The following DLGAP2 variants were observed in gnomAD, a reference collection of about 807,000 sequenced individuals.
DLGAP2 encodes disks large-associated protein 2.
A neutral mutation model predicts 100.3 loss-of-function variants in DLGAP2; 26 were observed. The observed-to-expected ratio is 0.26, with a 90% CI of 0.19 to 0.36. The LOEUF is 0.36. Among genes scored for constraint, DLGAP2 ranks in the 10% least tolerant of loss-of-function variants. The pLI is 1.00. For synonymous variants in DLGAP2, 886 were observed against 630.1 expected, an observed-to-expected ratio of 1.41 and a Z score of -6.08; for missense variants, 1,858 against 1,453.2, an observed-to-expected ratio of 1.28 and a Z score of -4.53.
chr8:1,417,347 A>T (rs1014818866), intron 3 of DLGAP2, among the ~76,000 whole-genome samples: 2 of 151,928 alleles, frequency 1.3e-5, no homozygotes, highest in African/African-American at 2.4e-5. Context: ...GCATGTTCAT[A>T]GAAGCCCTTG....
At chr8:1,668,825 C>A (rs1453752111) in intron 9 of DLGAP2, 147 bp downstream of exon 9, 7 of 814,910 alleles carry the variant, frequency 8.6e-6, no homozygotes, top group Non-Finnish European at 1.3e-5. Flanking sequence ...CAGGGCTGTG[C>A]GTTCGCCTTG....
intron 1 of DLGAP2, among the ~76,000 whole-genome samples, chr8:867,070 G>C (rs1306602656): frequency 6.6e-6 from 1 of 152,224 alleles, no homozygotes; most frequent in Non-Finnish European, 1.5e-5. Flanking sequence ...CCTGTCAGCT[G>C]TCTAACCCGG....
intron 5 of DLGAP2, among the ~76,000 whole-genome samples, chr8:1,550,109 G>T (rs1801710075): frequency 6.6e-6 from 1 of 152,166 alleles, no homozygotes; most frequent in Admixed American, 6.5e-5. Context: ...CCGTGAGAGG[G>T]ACCATGTGGC....
chr8:1,637,946 A>C (rs1266788236), intron 8 of DLGAP2, among the ~76,000 whole-genome samples: 2 of 152,206 alleles, frequency 1.3e-5, no homozygotes, highest in African/African-American at 4.8e-5. Flanking sequence ...GGGCAGCAGA[A>C]ACCCAGGGAG....
At chr8:784,693 C>G (rs1047533545) in intron 1 of DLGAP2, among the ~76,000 whole-genome samples, 2 of 152,222 alleles carry the variant, frequency 1.3e-5, no homozygotes, top group African/African-American at 2.4e-5. Flanking sequence ...GAACGTGTGA[C>G]TGTGGACCCC....
At chr8:1,692,570 G>T (rs952798193) in intron 13 of DLGAP2, among the ~76,000 whole-genome samples, 4 of 152,166 alleles carry the variant, frequency 2.6e-5, no homozygotes, top group Non-Finnish European at 5.9e-5. Context: ...TTTGCAACTG[G>T]ATGCCCCACC....
At chr8:1,373,214 C>T (rs1447112582) in intron 3 of DLGAP2, among the ~76,000 whole-genome samples, 1 of 152,028 alleles carries the variant, frequency 6.6e-6, no homozygotes, top group Non-Finnish European at 1.5e-5. Flanking sequence ...GACTGCGCAG[C>T]AAGACTCTGT....
chr8:1,594,308 C>G (rs1796381976), intron 6 of DLGAP2, among the ~76,000 whole-genome samples: 1 of 151,934 alleles, frequency 6.6e-6, no homozygotes, highest in African/African-American at 2.4e-5. Flanking sequence ...ACAGAGAATT[C>G]AAAACAAGGG....
intron 6 of DLGAP2, among the ~76,000 whole-genome samples, chr8:1,599,905 C>T (rs866822811): frequency 6.6e-6 from 1 of 152,082 alleles, no homozygotes; most frequent in Non-Finnish European, 1.5e-5. Context: ...TGAATTTGAT[C>T]CTGTCATTAT....
At chr8:1,325,340 T>C (rs1800996457) in intron 3 of DLGAP2, among the ~76,000 whole-genome samples, 2 of 152,186 alleles carry the variant, frequency 1.3e-5, no homozygotes, top group South Asian at 4.1e-4. Flanking sequence ...TAAAGCTGCC[T>C]GTGTGTCCAG....
intron 10 of DLGAP2, among the ~76,000 whole-genome samples, chr8:1,673,771 G>A (rs1252220293): frequency 6.6e-6 from 1 of 152,106 alleles, no homozygotes; most frequent in African/African-American, 2.4e-5. Flanking sequence ...AGAGTTGCAT[G>A]GCCAGCAAGT....
chr8:1,273,469 T>G (rs901040934), intron 3 of DLGAP2, among the ~76,000 whole-genome samples: 3 of 151,954 alleles, frequency 2.0e-5, no homozygotes, highest in African/African-American at 7.3e-5. Context: ...ACTTGACGAG[T>G]TTTATGCTCA....
intron 1 of DLGAP2, among the ~76,000 whole-genome samples, chr8:781,457 A>C (rs1308557909): frequency 6.6e-6 from 1 of 152,122 alleles, no homozygotes; most frequent in East Asian, 1.9e-4. Flanking sequence ...TAAAATGCAA[A>C]CCTGAATGCA....
intron 2 of DLGAP2, among the ~76,000 whole-genome samples, chr8:966,756 T>C (rs1799881873): frequency 6.6e-6 from 1 of 152,236 alleles, no homozygotes; most frequent in Non-Finnish European, 1.5e-5. Context: ...AGAGTGAGCA[T>C]CTGCCTCTCC....
chr8:1,670,276 TCAGCACGCTCGGCA>T (rs1798657468), intron 10 of DLGAP2, among the ~76,000 whole-genome samples: 1 of 152,192 alleles, frequency 6.6e-6, no homozygotes, highest in Non-Finnish European at 1.5e-5. Flanking sequence ...TACAGTTAAG[TCAGCACGCTCGGCA>T]CAGTGCCGCC....
intron 1 of DLGAP2, among the ~76,000 whole-genome samples, chr8:824,839 C>T (rs1400043488): frequency 6.6e-6 from 1 of 152,194 alleles, no homozygotes; most frequent in Non-Finnish European, 1.5e-5. Flanking sequence ...GTGGCACAGG[C>T]AGCTCAGCCT....
chr8:1,676,473 T>C, intron 10 of DLGAP2, 60 bp from the exon 11 acceptor site: 1 of 1,525,288 alleles, frequency 6.6e-7, no homozygotes, highest in Non-Finnish European at 9.0e-7. Flanking sequence ...AACAACAAAA[T>C]AGTCCCTTGC....
intron 3 of DLGAP2, among the ~76,000 whole-genome samples, chr8:1,269,533 T>C (rs1301056014): frequency 1.3e-5 from 2 of 152,206 alleles, no homozygotes; most frequent in African/African-American, 4.8e-5. Flanking sequence ...CCCTCAACCC[T>C]GAAACCCCGT....
At position 1,697,251 on chromosome 8, in the gene DLGAP2, G is replaced by A. The variant is rs572334800; in HGVS notation, c.2901G>A (p.Gln967=). 7.5e-5 allele frequency: 121 copies of A among 1,610,906 alleles called. No homozygotes were observed. Among genetic ancestry groups the A allele is most frequent in the Admixed American group, 3.8e-4 (23 of 59,790 alleles). The change falls in exon 14 of 15, where the codon CAG becomes CAA. Residue 967 remains glutamine, a synonymous_variant. Transcript: ENST00000637795. ...EDVSMKFDEL[Q]RLRLNDWKMM... ...TCAGCATGAAGTTCGACGAGCTGCA[G>A]CGGCTGCGGCTCAACGACTGGAAGA...
Sources: gnomAD v4.1 joint callset for allele counts (sites outside exome capture counted in the v4.1 genomes callset) on GRCh38, gnomAD v4.1.1 for gene constraint, MANE v1.5 for transcripts, NCBI Gene and HGNC (gene_info 2026-07-23, HGNC 2026-07-21) for gene names.